The following DMTN variants were observed in gnomAD, a reference collection of about 807,000 sequenced individuals.
DMTN encodes the protein dematin actin binding protein, also known as dematin.
DMTN carries 27 observed loss-of-function variants against 59.4 expected under a neutral mutation model. That is an observed-to-expected ratio of 0.45 (90% CI 0.33 to 0.63). DMTN has a LOEUF of 0.63. Ranked by LOEUF, DMTN falls within the 20% of genes least tolerant of loss-of-function variation. DMTN has a pLI of 0.02. For synonymous variants in DMTN, 221 were observed against 203.7 expected (o/e 1.08, Z -0.72); for missense variants, 451 against 528.9 (o/e 0.85, Z 1.45).
upstream of DMTN, chr8:22,053,476 C>A (rs1435684064): frequency 2.6e-5 from 4 of 152,492 alleles, no homozygotes; most frequent in East Asian, 7.7e-4. Context: ...CTCCACCTCT[C>A]CCGAAGTTAA....
At chr8:22,077,688 T>C (rs185880533) in intron 10 of DMTN, among the ~76,000 whole-genome samples, 1 of 152,286 alleles carries the variant, frequency 6.6e-6, no homozygotes, top group African/African-American at 2.4e-5. Flanking sequence ...CTCTGGATCA[T>C]CTTTGGCGTC....
At chr8:22,059,986 G>C (rs1805160583) in intron 1 of DMTN, among the ~76,000 whole-genome samples, 1 of 152,088 alleles carries the variant, frequency 6.6e-6, no homozygotes, top group African/African-American at 2.4e-5. Context: ...TGGTGGGTGA[G>C]GTGGGGCTGG....
chr8:22,062,408 C>T (rs778295418), intron 1 of DMTN, among the ~76,000 whole-genome samples: 3 of 152,062 alleles, frequency 2.0e-5, no homozygotes, highest in African/African-American at 4.8e-5. Flanking sequence ...TCTTTGTTTC[C>T]GGGGAGCCTT....
intron 3 of DMTN, 75 bp from the exon 4 acceptor site, chr8:22,067,450 CGT>C (rs1491474731): frequency 2.6e-6 from 4 of 1,566,128 alleles, no homozygotes; most frequent in Non-Finnish European, 3.5e-6. Context: ...TGGTAATTGA[CGT>C]AAGTCTAGCT....
At chr8:22,078,441 G>A (rs141170515) in intron 10 of DMTN, among the ~76,000 whole-genome samples, 2,164 of 148,546 alleles carry the variant, frequency 0.015, 56 homozygotes, top group African/African-American at 0.052. Context: ...ACATATATAT[G>A]TATATATTAA....
chr8:22,051,177 G>A (rs1293088424), upstream of DMTN, among the ~76,000 whole-genome samples: 1 of 152,180 alleles, frequency 6.6e-6, no homozygotes, highest in African/African-American at 2.4e-5. Context: ...CCATTTAGGG[G>A]AGGATGTGAC....
intron 12 of DMTN, 22 bp downstream of exon 12, chr8:22,080,482 C>T (rs769053398): frequency 1.5e-5 from 25 of 1,614,168 alleles, no homozygotes; most frequent in Admixed American, 5.0e-5. Context: ...GGCCTGGTGC[C>T]GGGGTCTGGA....
rs368523441 is a variant in DMTN at position 22,060,205 on chromosome 8, G to A, written c.-172+3069G>A. 2.6e-5 allele frequency among the ~76,000 whole-genome samples: 4 copies of A among 152,100 alleles called. No homozygotes were observed. Among genetic ancestry groups the A allele is most frequent in the East Asian group, 1.9e-4 (1 of 5,182 alleles). Reference sequence around the variant, plus strand: ...TCGCCCTTTCTATCTCTTTGTGCACGGAGGTCGCTGGGACCTTGGGGATGC... The same window carrying A: ...TCGCCCTTTCTATCTCTTTGTGCACAGAGGTCGCTGGGACCTTGGGGATGC... On this transcript the variant is annotated intron_variant, in intron 1 of 15. Transcript: ENST00000358242. This position sits in a 1 kb window ranked among gnomAD's most constrained non-coding sequence, Gnocchi z 5.0.
chr8:22,079,706 C>T (rs1822859197), intron 10 of DMTN, among the ~76,000 whole-genome samples: 1 of 151,822 alleles, frequency 6.6e-6, no homozygotes, highest in Non-Finnish European at 1.5e-5. Context: ...GTGATCTGTC[C>T]ACCTTGGCCT....
intron 10 of DMTN, among the ~76,000 whole-genome samples, chr8:22,075,208 G>C (rs2131330842): frequency 6.9e-6 from 1 of 144,200 alleles, no homozygotes; most frequent in South Asian, 2.3e-4. Flanking sequence ...AAAGAAAAAA[G>C]CCTAAGAGGA....
chr8:22,071,067 T>C (rs1300175283), intron 8 of DMTN, among the ~76,000 whole-genome samples: 5 of 75,644 alleles, frequency 6.6e-5, no homozygotes, highest in Non-Finnish European at 1.5e-4. Flanking sequence ...TTACTCTTAT[T>C]TTATTGTATT....
At chr8:22,055,663 C>G (rs1802233536), upstream of DMTN, 1 of 152,462 alleles carries the variant, frequency 6.6e-6, no homozygotes, top group African/African-American at 2.4e-5. Context: ...GCCACCCCCG[C>G]CTGGCTGCAG....
rs185839816 is a variant in DMTN, at chr8:22,078,461, T to G, written c.836-1719T>G. On this transcript the variant is annotated intron_variant, in intron 10 of 15. Coordinates refer to ENST00000358242, the MANE Select transcript of DMTN (RefSeq NM_001387751.1). ...TATATGTATATATTAAGATAGTTCC[T>G]CATAGTTTTGAATCTATGGAGGTTA... Among the ~76,000 whole-genome samples the G allele has an allele frequency of 2.5e-3, 363 of 146,002 alleles. 1 individual carries two copies. Among genetic ancestry groups the G allele is most frequent in the African/African-American group, 8.9e-3 (349 of 39,250 alleles).
Position 22,066,912 on chromosome 8 carries a change from G to T in DMTN, c.18+19G>T, listed in dbSNP as rs541031132. The stretch of plus-strand genomic sequence containing the variant: ...GCAGAAGGTGCGCGGCGCCGCCCCG[G>T]GCCGGGGCCGCCGAGGGCGGGTGGG... On this transcript the variant is annotated intron_variant, in intron 2 of 15. Transcript: ENST00000358242. The T allele has an allele frequency of 4.0e-6, 5 of 1,248,982 alleles. No individual in the cohort carries two copies. Among genetic ancestry groups the T allele is most frequent in the Non-Finnish European group, 4.0e-6 (4 of 996,136 alleles). 77.4% of individuals were successfully genotyped at this position (1,248,982 alleles called of 1,614,324 possible).
intron 1 of DMTN, chr8:22,057,846 G>A (rs752244477): frequency 6.6e-6 from 1 of 152,404 alleles, no homozygotes; most frequent in Non-Finnish European, 1.5e-5. Context: ...CACACCCAGT[G>A]TGTCCCTTCC....
chr8:22,057,780 C>G (rs753407915), intron 1 of DMTN: 1 of 152,532 alleles, frequency 6.6e-6, no homozygotes, highest in Non-Finnish European at 1.5e-5. Flanking sequence ...TGGGGCTCCC[C>G]CTCCCTAGCT....
rs549289178 is a variant in DMTN at position 22,068,290 on chromosome 8, C to T, written c.249+608C>T. On this transcript the variant is annotated intron_variant, in intron 4 of 15. Transcript: ENST00000358242. ...AGGACAAACTATTCCCCAACTGGTT[C>T]CCAGGCTAGGCACGGTGGCTCACAC... Among the ~76,000 whole-genome samples the T allele has an allele frequency of 7.7e-4, 117 of 152,278 alleles. 1 individual carries two copies. The highest frequency in any genetic ancestry group is 2.7e-3 in the African/African-American group (114 of 41,574).
At chr8:22,071,200 A>C (rs971930876) in intron 8 of DMTN, among the ~76,000 whole-genome samples, 2 of 151,992 alleles carry the variant, frequency 1.3e-5, no homozygotes, top group African/African-American at 4.8e-5. Context: ...GAGTTCAAGC[A>C]TTTCTCCTGC....
rs190720284 is a variant in DMTN at position 22,082,353 on chromosome 8, C to T, written c.*890C>T. On this transcript the variant is annotated 3_prime_UTR_variant, in exon 16 of 16. Coordinates refer to ENST00000358242, the MANE Select transcript of DMTN (RefSeq NM_001387751.1). ...CCTCACCTGCCCCTGCCCTACCTTA[C>T]ACCCCCAGCTTGACTTCTTTCCAGT... 14 of 403,216 alleles carry T rather than the reference C, an allele frequency of 3.5e-5. No homozygotes were observed. The highest frequency in any genetic ancestry group is 7.2e-5 in the East Asian group (1 of 13,926). The allele number at this position is 403,216 out of a possible 1,614,324, so 25.0% of individuals were successfully genotyped here.
Sources: allele counts gnomAD v4.1 joint callset (sites outside exome capture counted in the v4.1 genomes callset), GRCh38; gene constraint gnomAD v4.1.1; non-coding constraint Gnocchi (gnomAD v3.1); transcripts MANE v1.5; gene names NCBI Gene and HGNC (gene_info 2026-07-23, HGNC 2026-07-21).